Variants in TOMM20 observed in about 807,000 individuals in gnomAD.
The protein encoded by TOMM20 is translocase of outer mitochondrial membrane 20.
A neutral mutation model predicts 22.1 loss-of-function variants in TOMM20; 10 were observed. That is an observed-to-expected ratio of 0.45 (90% CI 0.28 to 0.77). The LOEUF is 0.77. Among genes scored for constraint, TOMM20 ranks in the 30% least tolerant of loss-of-function variants. The pLI, the probability that TOMM20 is intolerant of heterozygous loss-of-function variation, is 0.13. For missense variants in TOMM20, 121 were observed against 172.2 expected (o/e 0.70, Z 1.66); for synonymous variants, 55 against 61.4 (o/e 0.90, Z 0.49).
At chr1:235,116,500 T>C (rs915686821) in intron 3 of TOMM20, among the ~76,000 whole-genome samples, 1 of 150,320 alleles carries the variant, frequency 6.7e-6, no homozygotes, top group Admixed American at 6.7e-5. Context: ...ATCATGCCAC[T>C]GCACTCCAGC....
chr1:235,116,956 A>C (rs1365481047), intron 3 of TOMM20, among the ~76,000 whole-genome samples: 1 of 151,046 alleles, frequency 6.6e-6, no homozygotes. Flanking sequence ...TAACATGGTG[A>C]AACCCCGTCT....
At chr1:235,126,112 AATAT>A (rs1313169526) in intron 1 of TOMM20, among the ~76,000 whole-genome samples, 1 of 150,662 alleles carries the variant, frequency 6.6e-6, no homozygotes, top group Non-Finnish European at 1.5e-5. Context: ...TATAGATATA[AATAT>A]ATATAAAGAC....
intron 3 of TOMM20, among the ~76,000 whole-genome samples, chr1:235,117,481 A>C (rs1413801100): frequency 2.0e-5 from 3 of 152,004 alleles, no homozygotes; most frequent in African/African-American, 4.8e-5. Context: ...AAAACAAAAA[A>C]AAAAAAAAAG....
intron 1 of TOMM20, among the ~76,000 whole-genome samples, chr1:235,128,281 A>T (rs568954534): frequency 6.6e-6 from 1 of 152,382 alleles, no homozygotes; most frequent in South Asian, 2.1e-4. Context: ...GAGGTTTAAA[A>T]AGATGAACGA....
intron 3 of TOMM20, 46 bp from the exon 4 acceptor site, chr1:235,113,956 CT>C (rs1363001281): frequency 6.6e-7 from 1 of 1,515,880 alleles, no homozygotes; most frequent in South Asian, 1.3e-5. Context: ...AAGCCTTGGC[CT>C]TTGTCAAAAT....
intron 1 of TOMM20, chr1:235,127,807 G>T: frequency 1.9e-6 from 1 of 517,844 alleles, no homozygotes; most frequent in Non-Finnish European, 3.9e-6. Flanking sequence ...CTTAAAAGAT[G>T]TCGCAGGTAT....
At chr1:235,119,707 T>C in intron 3 of TOMM20, 111 bp downstream of exon 3, 1 of 594,158 alleles carries the variant, frequency 1.7e-6, no homozygotes, top group Non-Finnish European at 2.9e-6. Flanking sequence ...TTGAGATACT[T>C]GGAGTACCTT....
intron 4 of TOMM20, 118 bp downstream of exon 4, chr1:235,113,650 G>A (rs1324785735): frequency 1.5e-6 from 2 of 1,313,990 alleles, no homozygotes; most frequent in African/African-American, 3.0e-5. Context: ...CTCCCATATT[G>A]TTTTCATTAT....
In TOMM20 at chr1:235,122,319, C is replaced by CT; in HGVS notation, c.168+6dup. ...ATATATAATTTAAACAGAAACCAGA[C>CT]TATTACCTTGGAAAGCCCAGCTCTC... On this transcript the variant is annotated splice_region_variant and intron_variant, in intron 2 of 4. Coordinates refer to ENST00000366607, the MANE Select transcript of TOMM20 (RefSeq NM_014765.3). 1 of 1,529,182 alleles carries CT rather than the reference C, an allele frequency of 6.5e-7. No individual in the cohort carries two copies. The highest frequency in any genetic ancestry group is 8.8e-7 in the Non-Finnish European group (1 of 1,140,866). The allele number at this position is 1,529,182 out of a possible 1,614,324, so 94.7% of individuals were successfully genotyped here.
Position 235,113,783 on chromosome 1 carries a change from G to C in TOMM20, c.378C>G (p.Leu126=), listed in dbSNP as rs1266630777. Residue 126 remains leucine, a synonymous_variant, in exon 4 of 5, where the codon CTC becomes CTG. Coordinates refer to ENST00000366607, the MANE Select transcript of TOMM20 (RefSeq NM_014765.3). ...PPVFQMLLTK[L]PTISQRIVSA... ...AATTCCTTACCTGACTAATTGTTGG[G>C]AGCTTAGTCAGAAGCATCTGGAACA... The C allele has an allele frequency of 6.2e-7, 1 of 1,610,974 alleles. No individual in the cohort carries two copies. Among genetic ancestry groups the C allele is most frequent in the Non-Finnish European group, 8.5e-7 (1 of 1,179,330 alleles).
chr1:235,124,647 C>G (rs953586449), intron 1 of TOMM20, among the ~76,000 whole-genome samples: 1 of 152,012 alleles, frequency 6.6e-6, no homozygotes, highest in Non-Finnish European at 1.5e-5. Context: ...ATAATGAAAC[C>G]CAGGAAAGTG....
intron 1 of TOMM20, among the ~76,000 whole-genome samples, chr1:235,127,547 T>G (rs996633332): frequency 6.6e-6 from 1 of 152,226 alleles, no homozygotes; most frequent in Admixed American, 6.5e-5. Context: ...AATGACTTAG[T>G]ATAGCTGAAT....
chr1:235,128,307 C>T (rs947918824), intron 1 of TOMM20, among the ~76,000 whole-genome samples: 12 of 152,248 alleles, frequency 7.9e-5, no homozygotes, highest in African/African-American at 2.9e-4. Flanking sequence ...AAAGAGACAA[C>T]CTCCTCCCCA....
At chr1:235,125,948 G>A (rs1661010106) in intron 1 of TOMM20, among the ~76,000 whole-genome samples, 1 of 151,240 alleles carries the variant, frequency 6.6e-6, no homozygotes, top group Non-Finnish European at 1.5e-5. Context: ...AGTAGAGACG[G>A]GGTTTCACCA....
intron 3 of TOMM20, among the ~76,000 whole-genome samples, chr1:235,118,116 T>C (rs1235539364): frequency 1.4e-5 from 2 of 139,026 alleles, no homozygotes; most frequent in African/African-American, 5.7e-5. Flanking sequence ...TGTTGATTAC[T>C]GTATCTGCAG....
At position 235,119,880 on chromosome 1, in the gene TOMM20, G is replaced by A. The variant is rs996574152; in HGVS notation, c.188C>T (p.Ala63Val). The change falls in exon 3 of 5, where the codon GCT (alanine) becomes GTT (valine). Residue 63 changes from alanine (A) to valine (V), a missense_variant. By Grantham distance (64) the Ala-to-Val change is moderately conservative (BLOSUM62 0). Coordinates refer to ENST00000366607, the MANE Select transcript of TOMM20 (RefSeq NM_014765.3). ...AAGGAAGAACTTCTGAACAGCTTCA[G>A]CATCTTTAAGGTCAGGTAACTGGAA... ...GLSKLPDLKD[A>V]EAVQKFFLEE... 7 of 1,611,038 alleles carry A rather than the reference G, an allele frequency of 4.3e-6. No individual in the cohort carries two copies. The highest frequency in any genetic ancestry group is 1.3e-5 in the African/African-American group (1 of 74,950).
intron 3 of TOMM20, among the ~76,000 whole-genome samples, chr1:235,117,026 T>G (rs1660844281): frequency 6.8e-6 from 1 of 146,092 alleles, no homozygotes; most frequent in Non-Finnish European, 1.5e-5. Context: ...TCCCAGCTAC[T>G]CGGGAGGCTG....
chr1:235,110,661 T>C lies in TOMM20; in HGVS notation c.*1403A>G, dbSNP rs1237148098. 1 of 152,182 alleles carries C rather than the reference T, an allele frequency of 6.6e-6. No homozygotes were observed. The highest frequency in any genetic ancestry group is 1.5e-5 in the Non-Finnish European group (1 of 68,040). 9.4% of individuals were successfully genotyped at this position (152,182 alleles called of 1,614,324 possible). A position where few individuals can be genotyped will look rare whatever the true frequency, so the allele number is the denominator to read the frequency against. ...TAATCAGAGGCAGAAACTAGACCTA[T>C]TTCTCCTTCCACTGCACCACAAAAA... is the stretch of plus-strand genomic sequence containing the variant. On this transcript the variant is annotated 3_prime_UTR_variant, in exon 5 of 5. Coordinates refer to ENST00000366607, the MANE Select transcript of TOMM20 (RefSeq NM_014765.3).
chr1:235,124,386 C>A (rs1419052551), intron 1 of TOMM20, among the ~76,000 whole-genome samples: 1 of 152,178 alleles, frequency 6.6e-6, no homozygotes, highest in Non-Finnish European at 1.5e-5. Context: ...CTATTATCAT[C>A]CCCATTTTCC....
Sources: gnomAD v4.1 joint callset for allele counts (sites outside exome capture counted in the v4.1 genomes callset) on GRCh38, gnomAD v4.1.1 for gene constraint, MANE v1.5 for transcripts, NCBI Gene and HGNC (gene_info 2026-07-23, HGNC 2026-07-21) for gene names.